Variants in TRDN observed in about 807,000 individuals in gnomAD.
TRDN encodes triadin in skeletal muscle.
A neutral mutation model predicts 149.7 loss-of-function variants in TRDN; 161 were observed. The ratio of observed to expected loss-of-function variants is 1.08; its 90% CI spans 0.95 to 1.23. The LOEUF is 1.23. Ranked by LOEUF, TRDN falls within the 50% of genes most tolerant of loss-of-function variation. The pLI is 0.00. For missense variants in TRDN, 896 were observed against 823.5 expected, an observed-to-expected ratio of 1.09 and a Z score of -1.08; for synonymous variants, 294 against 250.5, an observed-to-expected ratio of 1.17 and a Z score of -1.64.
At chr6:123,600,943 A>T (rs1031553251) in intron 1 of TRDN, among the ~76,000 whole-genome samples, 1 of 152,128 alleles carries the variant, frequency 6.6e-6, no homozygotes, top group Non-Finnish European at 1.5e-5. Context: ...ATTATTATTT[A>T]TATGTACTTA....
intron 38 of TRDN, among the ~76,000 whole-genome samples, chr6:123,232,221 C>T (rs552069148): frequency 6.6e-6 from 1 of 151,566 alleles, no homozygotes; most frequent in Non-Finnish European, 1.5e-5. Flanking sequence ...AAAAAAAAAT[C>T]CTATATTATG....
chr6:123,456,852 G>C (rs1322232551), intron 10 of TRDN: 7 of 455,896 alleles, frequency 1.5e-5, no homozygotes, highest in South Asian at 3.1e-5. Flanking sequence ...ACTCATTCTA[G>C]AGAGGGAAAG....
intron 2 of TRDN, among the ~76,000 whole-genome samples, chr6:123,569,414 C>T (rs906237900): frequency 2.6e-5 from 4 of 152,164 alleles, no homozygotes; most frequent in Non-Finnish European, 4.4e-5. Context: ...GCCCATTACC[C>T]AGTTCCCAAG....
intron 23 of TRDN, 87 bp from the exon 24 acceptor site, chr6:123,316,582 G>T: frequency 1.8e-6 from 2 of 1,112,560 alleles, no homozygotes; most frequent in Non-Finnish European, 2.6e-6. Flanking sequence ...TGGATTAATA[G>T]GTAGGCTTCA....
intron 20 of TRDN, among the ~76,000 whole-genome samples, chr6:123,357,366 G>A (rs1468586066): frequency 6.6e-6 from 1 of 152,038 alleles, no homozygotes; most frequent in Non-Finnish European, 1.5e-5. Flanking sequence ...GGAGATTTTA[G>A]GTATAGCCAA....
At chr6:123,439,074 G>A in intron 10 of TRDN, 71 bp from the exon 11 acceptor site, 1 of 1,268,254 alleles carries the variant, frequency 7.9e-7, no homozygotes, top group Non-Finnish European at 1.1e-6. Context: ...TTGAAATGAA[G>A]GATTTTTGTT....
chr6:123,304,409 T>C lies in TRDN; in HGVS notation c.1510+12048A>G, dbSNP rs139870776. ...CTGGGACTACAGGCATGCTCCATCA[T>C]GCCCGGCTAATTTTTTTGTATTTTA... On this transcript the variant is annotated intron_variant, in intron 24 of 40. Transcript: ENST00000334268. Among the ~76,000 whole-genome samples the C allele has an allele frequency of 2.2e-3, 338 of 151,926 alleles. 2 individuals carry two copies. Among genetic ancestry groups the C allele is most frequent in the African/African-American group, 7.0e-3 (292 of 41,496 alleles).
At chr6:123,598,347 A>T (rs554720645) in intron 1 of TRDN, among the ~76,000 whole-genome samples, 1 of 152,076 alleles carries the variant, frequency 6.6e-6, no homozygotes, top group Non-Finnish European at 1.5e-5. Context: ...AACAGATCGT[A>T]TTGTATGTAT....
rs150867399 is a variant in TRDN, at chr6:123,351,014, T to G, written c.1369+1525A>C. On this transcript the variant is annotated intron_variant, in intron 21 of 40. Transcript: ENST00000334268. ...GAAAGAAACAATGTTTTCAAATCAA[T>G]TGTCTGTTTGGTACTATTATTAGTG... 1.1e-4 allele frequency: 104 copies of G among 981,574 alleles called. No individual in the cohort carries two copies. The African/African-American group carries it at 1.7e-3, about 16-fold the overall frequency. The allele number at this position is 981,574 out of a possible 1,614,324, so 60.8% of individuals were successfully genotyped here.
intron 1 of TRDN, among the ~76,000 whole-genome samples, chr6:123,598,312 G>A (rs1031125216): frequency 2.6e-5 from 4 of 151,998 alleles, no homozygotes; most frequent in Admixed American, 6.6e-5. Context: ...CAATAGACAC[G>A]CTATCGTGAG....
At chr6:123,464,619 A>C (rs1443759235) in intron 10 of TRDN, 41 of 1,124,004 alleles carry the variant, frequency 3.6e-5, no homozygotes, top group Non-Finnish European at 4.3e-5. Flanking sequence ...GTTGCAAGGC[A>C]TAGCCTTATC....
At chr6:123,438,456 T>C (rs551744959) in intron 11 of TRDN, among the ~76,000 whole-genome samples, 13 of 152,278 alleles carry the variant, frequency 8.5e-5, no homozygotes, top group African/African-American at 3.1e-4. Context: ...TTCTCTGAGC[T>C]ATGAGGTCAC....
intron 24 of TRDN, among the ~76,000 whole-genome samples, chr6:123,289,127 A>G (rs1467760258): frequency 2.7e-5 from 4 of 147,380 alleles, no homozygotes; most frequent in Admixed American, 2.1e-4. Flanking sequence ...GTGTATATAT[A>G]TAAAATATGT....
intron 24 of TRDN, 88 bp downstream of exon 24, chr6:123,316,369 C>A (rs909464819): frequency 2.4e-6 from 3 of 1,262,998 alleles, no homozygotes; most frequent in African/African-American, 1.5e-5. Context: ...AATATTTTAT[C>A]CAGCCAGGAT....
intron 1 of TRDN, among the ~76,000 whole-genome samples, chr6:123,599,538 C>T (rs1336906097): frequency 6.6e-6 from 1 of 151,696 alleles, no homozygotes; most frequent in Non-Finnish European, 1.5e-5. Context: ...CTACCAATTG[C>T]AAAAAAGCAC....
At chr6:123,249,880 G>A (rs1433613689) in intron 38 of TRDN, among the ~76,000 whole-genome samples, 5 of 151,962 alleles carry the variant, frequency 3.3e-5, no homozygotes, top group Non-Finnish European at 5.9e-5. Context: ...AGAAATAAAA[G>A]GCATCCACAT....
chr6:123,389,956 G>T (rs1458742342), intron 13 of TRDN, among the ~76,000 whole-genome samples: 1 of 152,100 alleles, frequency 6.6e-6, no homozygotes, highest in African/African-American at 2.4e-5. Context: ...TGACTCAACA[G>T]ACTTTGTTGT....
chr6:123,428,961 A>G (rs993644997), intron 12 of TRDN, among the ~76,000 whole-genome samples: 16 of 152,326 alleles, frequency 1.1e-4, no homozygotes, highest in Admixed American at 1.3e-4. Context: ...TGAATGAAGG[A>G]AAGCATAATT....
chr6:123,598,765 C>T (rs1429856660), intron 1 of TRDN, among the ~76,000 whole-genome samples: 3 of 152,106 alleles, frequency 2.0e-5, no homozygotes, highest in Non-Finnish European at 4.4e-5. Flanking sequence ...CATTTACTAA[C>T]AGGCCCTTTA....
Sources: gnomAD v4.1 joint callset for allele counts (sites outside exome capture counted in the v4.1 genomes callset) on GRCh38, gnomAD v4.1.1 for gene constraint, MANE v1.5 for transcripts, NCBI Gene and HGNC (gene_info 2026-07-23, HGNC 2026-07-21) for gene names.